Variants in CLDND1 observed in about 807,000 individuals in gnomAD.
CLDND1 encodes the protein claudin domain-containing protein 1.
Under a neutral mutation model 26.3 loss-of-function variants are expected in CLDND1, and 13 were observed. The ratio of observed to expected loss-of-function variants is 0.49; its 90% CI spans 0.32 to 0.78. CLDND1 has a LOEUF of 0.78. Among genes scored for constraint, CLDND1 ranks in the 30% least tolerant of loss-of-function variants. CLDND1 has a pLI of 0.03. For synonymous variants in CLDND1, 107 were observed against 107.0 expected, an observed-to-expected ratio of 1.00 and a Z score of 0.00; for missense variants, 289 against 312.8, an observed-to-expected ratio of 0.92 and a Z score of 0.57.
intron 1 of CLDND1, chr3:98,522,366 G>T: frequency 4.5e-6 from 1 of 221,632 alleles, no homozygotes; most frequent in Non-Finnish European, 8.0e-6. Context: ...CACCGTGACC[G>T]CACCAAACAC....
chr3:98,519,795 G>A (rs1170441378), intron 2 of CLDND1, among the ~76,000 whole-genome samples: 2 of 152,164 alleles, frequency 1.3e-5, no homozygotes, highest in African/African-American at 2.4e-5. Context: ...CCGCCATAGA[G>A]CCTTTGCAGT....
Position 98,516,170 on chromosome 3 carries a change from A to C in CLDND1, c.*489T>G. The C allele has an allele frequency of 9.5e-7, 1 of 1,051,240 alleles. No homozygotes were observed. The highest frequency in any genetic ancestry group is 1.1e-6 in the Non-Finnish European group (1 of 870,136). 65.1% of individuals were successfully genotyped at this position (1,051,240 alleles called of 1,614,324 possible). On this transcript the variant is annotated 3_prime_UTR_variant, in exon 5 of 5. Coordinates refer to ENST00000341181, the MANE Select transcript of CLDND1 (RefSeq NM_001040181.2). ...GGAAAATGATCTTAGATAATTTCCCAATTTTATAGAGCTTAAATCTTTGAA... is the reference window on the plus strand; with the variant it reads ...GGAAAATGATCTTAGATAATTTCCCCATTTTATAGAGCTTAAATCTTTGAA...
chr3:98,516,255 T>C lies in CLDND1; in HGVS notation c.*404A>G. 9.7e-7 allele frequency: 1 copy of C among 1,028,048 alleles called. No individual in the cohort carries two copies. The highest frequency in any genetic ancestry group is 1.2e-6 in the Non-Finnish European group (1 of 856,148). The allele number at this position is 1,028,048 out of a possible 1,614,324, so 63.7% of individuals were successfully genotyped here. Reference sequence around the variant, plus strand: ...ACAACAGCAAAGTGAACATAAAGTTTTGACGATGAGAGGTTTCCCAAAGAA... The same window carrying C: ...ACAACAGCAAAGTGAACATAAAGTTCTGACGATGAGAGGTTTCCCAAAGAA... On this transcript the variant is annotated 3_prime_UTR_variant, in exon 5 of 5. Transcript: ENST00000341181.
In CLDND1 at chr3:98,516,796, A is replaced by G; in HGVS notation, c.625T>C (p.Ser209Pro). ...CAGAAGGACCATCCAAATTCACCGGATACATTGTCAGGGAGCTCTAGTTTC... is the reference window on the plus strand; with the variant it reads ...CAGAAGGACCATCCAAATTCACCGGGTACATTGTCAGGGAGCTCTAGTTTC... ...HQKLELPDNV[S>P]GEFGWSFCLA... Residue 209 changes from serine (S) to proline (P), a missense_variant, in exon 5 of 5, where the codon TCC becomes CCC. Physicochemically the swap from Ser to Pro is moderately conservative, Grantham distance 74. Transcript: ENST00000341181. 6.2e-7 allele frequency: 1 copy of G among 1,614,156 alleles called. No individual in the cohort carries two copies. The highest frequency in any genetic ancestry group is 8.5e-7 in the Non-Finnish European group (1 of 1,180,014).
intron 1 of CLDND1, 61 bp downstream of exon 1, chr3:98,522,788 C>G (rs1185548737): frequency 6.2e-6 from 10 of 1,612,984 alleles, no homozygotes; most frequent in Admixed American, 3.3e-5. Flanking sequence ...CTCTTCAAAC[C>G]GCCGGGAACA....
intron 2 of CLDND1, 41 bp from the exon 3 acceptor site, chr3:98,519,036 T>G (rs1413109027): frequency 1.2e-5 from 14 of 1,175,960 alleles, no homozygotes; most frequent in Non-Finnish European, 1.6e-5. Flanking sequence ...ATTATAAACA[T>G]TTAACAAAAA....
chr3:98,522,866 C>G lies in CLDND1; in HGVS notation c.-36G>C. ...TCACTCACCGCCCATCCTCCTGCTCCGCCAGCTTCACCCTCTAGCTCAGAC... is the reference window on the plus strand; with the variant it reads ...TCACTCACCGCCCATCCTCCTGCTCGGCCAGCTTCACCCTCTAGCTCAGAC... On this transcript the variant is annotated 5_prime_UTR_variant, in exon 1 of 5. Transcript: ENST00000341181. The G allele has an allele frequency of 1.2e-6, 2 of 1,613,794 alleles. No individual in the cohort carries two copies. Among genetic ancestry groups the G allele is most frequent in the Non-Finnish European group, 1.7e-6 (2 of 1,179,738 alleles).
rs1355907514 is a variant in CLDND1 at position 98,516,466 on chromosome 3, G to C, written c.*193C>G. The C allele has an allele frequency of 7.3e-7, 1 of 1,366,208 alleles. No homozygotes were observed. The highest frequency in any genetic ancestry group is 1.5e-5 in the African/African-American group (1 of 68,198). The allele number at this position is 1,366,208 out of a possible 1,614,324, so 84.6% of individuals were successfully genotyped here. A position where few individuals can be genotyped will look rare whatever the true frequency, so the allele number is the denominator to read the frequency against. Reference sequence around the variant, plus strand: ...ATTAGTTTATTTGAAAGATGGCATCGCTTAAAGTAAACCACATAAATTTTA... The same window carrying C: ...ATTAGTTTATTTGAAAGATGGCATCCCTTAAAGTAAACCACATAAATTTTA... On this transcript the variant is annotated 3_prime_UTR_variant, in exon 5 of 5. Coordinates refer to ENST00000341181, the MANE Select transcript of CLDND1 (RefSeq NM_001040181.2).
At chr3:98,518,792 C>G (rs1706269482) in intron 3 of CLDND1, 93 bp downstream of exon 3, 1 of 750,150 alleles carries the variant, frequency 1.3e-6, no homozygotes, top group South Asian at 1.5e-5. Context: ...GCACAATCTA[C>G]TAACTCATCT....
In CLDND1 at chr3:98,517,899, T is replaced by A. The variant is rs1382324666; in HGVS notation, c.404-710A>T. ...AGTCTGACTCTACCTACCAACAATA[T>A]CTAGGTCTTTATATGATCTAAAGGC... On this transcript the variant is annotated intron_variant, in intron 3 of 4. Coordinates refer to ENST00000341181, the MANE Select transcript of CLDND1 (RefSeq NM_001040181.2). Among the ~76,000 whole-genome samples the A allele has an allele frequency of 2.0e-5, 3 of 152,184 alleles. No individual in the cohort carries two copies. The South Asian group carries it at 6.2e-4, about 32-fold the overall frequency.
At chr3:98,520,074 T>C (rs1469841243) in intron 2 of CLDND1, among the ~76,000 whole-genome samples, 1 of 152,234 alleles carries the variant, frequency 6.6e-6, no homozygotes, top group Non-Finnish European at 1.5e-5. Flanking sequence ...TATATTCTGT[T>C]CACTGCCTGT....
At chr3:98,519,039 A>T (rs768180427) in intron 2 of CLDND1, 44 bp from the exon 3 acceptor site, 71 of 1,135,988 alleles carry the variant, frequency 6.3e-5, no homozygotes, top group Non-Finnish European at 8.2e-5. Flanking sequence ...ATAAACATTT[A>T]ACAAAAATCT....
In CLDND1 at chr3:98,516,832, G is replaced by C; in HGVS notation, c.589C>G (p.Leu197Val). The C allele has an allele frequency of 2.5e-6, 4 of 1,614,152 alleles. No individual in the cohort carries two copies. Among genetic ancestry groups the C allele is most frequent in the Non-Finnish European group, 3.4e-6 (4 of 1,180,022 alleles). ...GGGAGCTCTAGTTTCTGGTGGAGTAGTTCAATTCCAGCAACATAACAACTT... is the reference window on the plus strand; with the variant it reads ...GGGAGCTCTAGTTTCTGGTGGAGTACTTCAATTCCAGCAACATAACAACTT... Reference protein sequence around the residue: ...SVSCYVAGIELLHQKLELPDN... With the variant: ...SVSCYVAGIEVLHQKLELPDN... Residue 197 changes from leucine to valine, a missense_variant, in exon 5 of 5, where the codon CTA becomes GTA. Physicochemically the swap from Leu to Val is conservative, Grantham distance 32. Transcript: ENST00000341181.
chr3:98,517,970 T>C (rs911192805), intron 3 of CLDND1, among the ~76,000 whole-genome samples: 1 of 152,232 alleles, frequency 6.6e-6, no homozygotes, highest in African/African-American at 2.4e-5. Context: ...ACCTGTCTTA[T>C]AGGGCTGTTG....
chr3:98,522,885 C>G lies in CLDND1; in HGVS notation c.-55G>C. ...CTGCTCCGCCAGCTTCACCCTCTAG[C>G]TCAGACCACAGCACCCTACTCTCCC... On this transcript the variant is annotated 5_prime_UTR_variant, in exon 1 of 5. Coordinates refer to ENST00000341181, the MANE Select transcript of CLDND1 (RefSeq NM_001040181.2). 1.9e-6 allele frequency: 3 copies of G among 1,613,656 alleles called. No homozygotes were observed. The East Asian group carries it at 6.7e-5, about 36-fold the overall frequency.
intron 1 of CLDND1, chr3:98,521,989 G>T (rs753020937): frequency 5.1e-6 from 2 of 391,202 alleles, no homozygotes; most frequent in Non-Finnish European, 9.2e-6. Context: ...TAACCCCGAG[G>T]GAAAGGTTGT....
At chr3:98,518,750 C>T (rs779189175) in intron 3 of CLDND1, 135 bp downstream of exon 3, 1 of 624,438 alleles carries the variant, frequency 1.6e-6, no homozygotes, top group East Asian at 2.8e-5. Context: ...ATAGAGTTCA[C>T]TGGATACTGT....
intron 3 of CLDND1, 51 bp from the exon 4 acceptor site, chr3:98,517,240 T>A: frequency 6.3e-7 from 1 of 1,582,780 alleles, no homozygotes; most frequent in African/African-American, 1.4e-5. Context: ...TCAGACCATT[T>A]TCCCCGCAAT....
At chr3:98,519,173 G>A (rs765960336) in intron 2 of CLDND1, among the ~76,000 whole-genome samples, 178 bp from the exon 3 acceptor site, 4 of 152,186 alleles carry the variant, frequency 2.6e-5, no homozygotes, top group Non-Finnish European at 5.9e-5. Context: ...GGTTCTCAGT[G>A]GCAGGCTGAA....
Sources: allele counts gnomAD v4.1 joint callset (sites outside exome capture counted in the v4.1 genomes callset), GRCh38; gene constraint gnomAD v4.1.1; transcripts MANE v1.5; gene names NCBI Gene and HGNC (gene_info 2026-07-23, HGNC 2026-07-21).